Variants in NTM observed in about 807,000 individuals in gnomAD.
The protein encoded by NTM is neurotrimin, also known as IgLON family member 2.
Under a neutral mutation model 42.1 loss-of-function variants are expected in NTM, and 13 were observed. The observed-to-expected ratio is 0.31, with a 90% CI of 0.20 to 0.49. The LOEUF (loss-of-function observed/expected upper bound fraction) is 0.49. NTM is among the 20% of genes least tolerant of loss of function. The pLI is 0.99. For missense variants in NTM, 373 were observed against 452.8 expected (o/e 0.82, Z 1.60); for synonymous variants, 187 against 179.2 (o/e 1.04, Z -0.35).
At chr11:132,306,931 C>T (rs760791826) in intron 4 of NTM, among the ~76,000 whole-genome samples, 3 of 152,062 alleles carry the variant, frequency 2.0e-5, no homozygotes, top group African/African-American at 7.2e-5. Flanking sequence ...GTATGTGAAG[C>T]GTTGTTATTA....
chr11:131,710,255 T>C (rs1173938455), intron 1 of NTM, among the ~76,000 whole-genome samples: 1 of 152,228 alleles, frequency 6.6e-6, no homozygotes, highest in Non-Finnish European at 1.5e-5. Context: ...AGCGTACAAA[T>C]ATTCTACAAT....
At chr11:131,947,282 G>A (rs1236413640) in intron 2 of NTM, among the ~76,000 whole-genome samples, 1 of 152,122 alleles carries the variant, frequency 6.6e-6, no homozygotes, top group African/African-American at 2.4e-5. Flanking sequence ...CTCCGTACCT[G>A]GTATTGAGGG....
Position 131,461,992 on chromosome 11 carries a change from T to A in NTM, c.82+91104T>A, listed in dbSNP as rs945627632. 2.6e-5 allele frequency among the ~76,000 whole-genome samples: 4 copies of A among 152,328 alleles called. No individual in the cohort carries two copies. In the South Asian group the frequency reaches 8.3e-4, roughly 32 times the overall value. ...CATGCAAATTTTTGCAACAGCTTTA[T>A]TCGTACTTTTCAAAAACTGGAAACA... On this transcript the variant is annotated intron_variant, in intron 1 of 8. Coordinates refer to ENST00000683400, the MANE Select transcript of NTM (RefSeq NM_001352005.2).
intron 1 of NTM, among the ~76,000 whole-genome samples, chr11:131,582,907 C>T (rs1350428987): frequency 6.6e-6 from 1 of 152,216 alleles, no homozygotes; most frequent in Non-Finnish European, 1.5e-5. Context: ...CCATCCCTCT[C>T]TATCCAGCCT....
Position 131,432,839 on chromosome 11 carries a change from C to CTTTTTTTTTTTTTTTTTTTTTTTT in NTM, c.82+61960_82+61983dup, listed in dbSNP as rs377739708. Among the ~76,000 whole-genome samples the CTTTTTTTTTTTTTTTTTTTTTTTT allele has an allele frequency of 9.3e-4, 64 of 68,700 alleles. 7 individuals are homozygous for CTTTTTTTTTTTTTTTTTTTTTTTT. The highest frequency in any genetic ancestry group is 1.3e-3 in the Non-Finnish European group (49 of 38,808). The allele number at this position is 68,700 out of a possible 152,430, so 45.1% of individuals were successfully genotyped here. On this transcript the variant is annotated intron_variant, in intron 1 of 8. Transcript: ENST00000683400. ...CTACAAAAGATGAAGATTTAGCATTCTTTTTTTTTTTTTTTTTTTTTTTTT... is the reference window on the plus strand; with the variant it reads ...CTACAAAAGATGAAGATTTAGCATTCTTTTTTTTTTTTTTTTTTTTTTTTTTTTTTTTTTTTTTTTTTTTTTTTT...
At chr11:131,954,191 T>C (rs1431802151) in intron 2 of NTM, among the ~76,000 whole-genome samples, 1 of 152,164 alleles carries the variant, frequency 6.6e-6, no homozygotes, top group African/African-American at 2.4e-5. Context: ...GCCAGTGGTT[T>C]TGGGAGCCAG....
At position 131,638,423 on chromosome 11, in the gene NTM, G is replaced by A. The variant is rs542559317; in HGVS notation, c.82+267535G>A. On this transcript the variant is annotated intron_variant, in intron 1 of 8. Transcript: ENST00000683400. ...CTCTACAAAAACACAAAAATTAGCC[G>A]GGCATGATGGCGGGTGCCTGTAATC... 2.1e-3 allele frequency among the ~76,000 whole-genome samples: 320 copies of A among 151,950 alleles called. 1 individual carries two copies. The highest frequency in any genetic ancestry group is 7.0e-3 in the African/African-American group (292 of 41,442).
rs530611468 is a variant in NTM at position 131,640,068 on chromosome 11, T to A, written c.82+269180T>A. Among the ~76,000 whole-genome samples the A allele has an allele frequency of 5.3e-5, 8 of 152,304 alleles. No homozygotes were observed. In the East Asian group the frequency reaches 1.5e-3, roughly 29 times the overall value. On this transcript the variant is annotated intron_variant, in intron 1 of 8. Transcript: ENST00000683400. ...AGCTAGGAAGACATGGGGGCGTCCA[T>A]CCCGGAGGAGGATGGTGGCAGAGAA...
chr11:132,118,139 G>T (rs944594850), intron 2 of NTM, among the ~76,000 whole-genome samples: 1 of 152,084 alleles, frequency 6.6e-6, no homozygotes, highest in African/African-American at 2.4e-5. Context: ...CTAATTAAGC[G>T]GTAGCTTCAA....
rs568522743 is a variant in NTM, at chr11:131,468,927, T to A, written c.82+98039T>A. ...TGGACCTGGCAGGTACGAGAGTGCTTGTCCCCATGCAGATTCTTGTCCATT... is the reference window on the plus strand; with the variant it reads ...TGGACCTGGCAGGTACGAGAGTGCTAGTCCCCATGCAGATTCTTGTCCATT... On this transcript the variant is annotated intron_variant, in intron 1 of 8. Coordinates refer to ENST00000683400, the MANE Select transcript of NTM (RefSeq NM_001352005.2). Among the ~76,000 whole-genome samples, 18 of 152,356 alleles carry A rather than the reference T, an allele frequency of 1.2e-4. No homozygotes were observed. The South Asian group carries it at 3.5e-3, about 30-fold the overall frequency.
chr11:131,542,184 C>A (rs1447493665), intron 1 of NTM, among the ~76,000 whole-genome samples: 1 of 152,098 alleles, frequency 6.6e-6, no homozygotes, highest in East Asian at 1.9e-4. Flanking sequence ...TCTAATGAGC[C>A]CACAGGGGAT....
At chr11:131,722,913 C>G (rs2078540743) in intron 1 of NTM, among the ~76,000 whole-genome samples, 1 of 152,174 alleles carries the variant, frequency 6.6e-6, no homozygotes, top group Non-Finnish European at 1.5e-5. Flanking sequence ...AGAGGAGGGA[C>G]CAGATTCCAA....
At chr11:132,193,131 GAC>G (rs1355818188) in intron 3 of NTM, among the ~76,000 whole-genome samples, 2 of 152,074 alleles carry the variant, frequency 1.3e-5, no homozygotes, top group Non-Finnish European at 2.9e-5. Flanking sequence ...TGACAAACAT[GAC>G]ACTTGACCGG....
chr11:131,740,525 G>A lies in NTM; in HGVS notation c.83-171039G>A, dbSNP rs572391662. ...TAAACGATGTGTGTCATTTTTGATG[G>A]CTCACACTAAAATCCATAGAAAAGT... On this transcript the variant is annotated intron_variant, in intron 1 of 8. Transcript: ENST00000683400. Among the ~76,000 whole-genome samples, 4 of 152,190 alleles carry A rather than the reference G, an allele frequency of 2.6e-5. No homozygotes were observed. In the South Asian group the frequency reaches 8.3e-4, roughly 32 times the overall value.
intron 3 of NTM, among the ~76,000 whole-genome samples, chr11:132,154,668 C>T (rs747173825): frequency 1.1e-4 from 17 of 152,202 alleles, no homozygotes; most frequent in Non-Finnish European, 2.1e-4. Flanking sequence ...AGGTCCTCAG[C>T]AGCCTCCTAC....
At chr11:131,932,190 T>G (rs539538783) in intron 2 of NTM, among the ~76,000 whole-genome samples, 10 of 152,292 alleles carry the variant, frequency 6.6e-5, no homozygotes, top group African/African-American at 2.4e-4. Context: ...AGCACTTCCC[T>G]CCTGGTGGAA....
chr11:131,541,546 T>C (rs1227022857), intron 1 of NTM, among the ~76,000 whole-genome samples: 2 of 151,754 alleles, frequency 1.3e-5, no homozygotes, highest in Non-Finnish European at 3.0e-5. Flanking sequence ...TTGTGAGCTA[T>C]GTAAAGCCAG....
intron 1 of NTM, among the ~76,000 whole-genome samples, chr11:131,456,500 C>T (rs774296306): frequency 6.6e-6 from 1 of 152,166 alleles, no homozygotes; most frequent in Non-Finnish European, 1.5e-5. Context: ...CCCAGCATGG[C>T]TCCCAAAACA....
intron 1 of NTM, among the ~76,000 whole-genome samples, chr11:131,639,399 A>G (rs980220175): frequency 1.3e-5 from 2 of 152,356 alleles, no homozygotes; most frequent in Admixed American, 6.5e-5. Flanking sequence ...TAAGAATTTG[A>G]TAGTTGAAAT....
Sources: allele counts gnomAD v4.1 joint callset (sites outside exome capture counted in the v4.1 genomes callset), GRCh38; gene constraint gnomAD v4.1.1; transcripts MANE v1.5; gene names NCBI Gene and HGNC (gene_info 2026-07-23, HGNC 2026-07-21).